The following SGCZ variants were observed in gnomAD, a reference collection of about 807,000 sequenced individuals.
The protein encoded by SGCZ is zeta-sarcoglycan.
SGCZ carries 40 observed loss-of-function variants against 41.3 expected under a neutral mutation model. The ratio of observed to expected loss-of-function variants is 0.97; its 90% confidence interval spans 0.75 to 1.26. The LOEUF (loss-of-function observed/expected upper bound fraction) is 1.26, where lower values mean the gene tolerates loss of function less well. SGCZ is among the 50% of genes most tolerant of loss of function. SGCZ has a pLI of 0.00. For synonymous variants in SGCZ, 206 were observed against 137.5 expected, an observed-to-expected ratio of 1.50 and a Z score of -3.49; for missense variants, 552 against 369.8, an observed-to-expected ratio of 1.49 and a Z score of -4.04.
chr8:14,762,320 T>C (rs938948196), intron 1 of SGCZ, among the ~76,000 whole-genome samples: 2 of 152,144 alleles, frequency 1.3e-5, no homozygotes, highest in East Asian at 1.9e-4. Flanking sequence ...CATTACAAAA[T>C]GAGACAGAAA....
At chr8:14,497,839 C>T (rs1392712135) in intron 2 of SGCZ, among the ~76,000 whole-genome samples, 4 of 152,210 alleles carry the variant, frequency 2.6e-5, no homozygotes, top group East Asian at 1.9e-4. Flanking sequence ...GGAATATACA[C>T]CCAACAATAA....
chr8:14,992,083 A>C (rs996486511), intron 1 of SGCZ, among the ~76,000 whole-genome samples: 2 of 141,620 alleles, frequency 1.4e-5, no homozygotes, highest in Non-Finnish European at 3.0e-5. Context: ...CCTCTCACCC[A>C]TCCTCCTCAT....
chr8:14,826,139 C>T (rs1374357798), intron 1 of SGCZ, among the ~76,000 whole-genome samples: 1 of 145,398 alleles, frequency 6.9e-6, no homozygotes, highest in Admixed American at 7.0e-5. Context: ...TGTGTCCATG[C>T]CTTCTCATTG....
intron 1 of SGCZ, among the ~76,000 whole-genome samples, chr8:14,907,395 C>T (rs770796799): frequency 3.3e-5 from 5 of 151,962 alleles, no homozygotes; most frequent in Non-Finnish European, 5.9e-5. Context: ...ACTATCTTGC[C>T]GAGGTTAGTC....
At chr8:14,514,343 C>T (rs1219145370) in intron 2 of SGCZ, among the ~76,000 whole-genome samples, 2 of 152,002 alleles carry the variant, frequency 1.3e-5, no homozygotes, top group Non-Finnish European at 1.5e-5. Context: ...GTTTCTGCTA[C>T]TTACTACTTG....
chr8:14,826,508 C>A (rs1164086751), intron 1 of SGCZ, among the ~76,000 whole-genome samples: 1 of 152,140 alleles, frequency 6.6e-6, no homozygotes, highest in Non-Finnish European at 1.5e-5. Context: ...GGAATCGCCA[C>A]ACTGACTTCC....
chr8:15,003,601 C>A (rs1802502241), intron 1 of SGCZ, among the ~76,000 whole-genome samples: 1 of 152,132 alleles, frequency 6.6e-6, no homozygotes, highest in Admixed American at 6.5e-5. Context: ...ACTATTAATA[C>A]ACAAATAGCA....
intron 1 of SGCZ, among the ~76,000 whole-genome samples, chr8:15,115,213 C>G (rs1454198889): frequency 6.6e-6 from 1 of 152,168 alleles, no homozygotes; most frequent in Non-Finnish European, 1.5e-5. Flanking sequence ...TTACACATGC[C>G]TTCCGAGCTA....
At chr8:14,730,545 G>T (rs1287629361) in intron 1 of SGCZ, among the ~76,000 whole-genome samples, 1 of 148,692 alleles carries the variant, frequency 6.7e-6, no homozygotes, top group Non-Finnish European at 1.5e-5. Flanking sequence ...AAGGGAATCA[G>T]AAACAACATA....
At chr8:14,122,092 A>G (rs138984135) in intron 5 of SGCZ, among the ~76,000 whole-genome samples, 3,057 of 152,262 alleles carry the variant, frequency 0.02, 44 homozygotes, top group Middle Eastern at 0.085. Context: ...TCCTGCTAAC[A>G]TGGTGAAACC....
intron 7 of SGCZ, among the ~76,000 whole-genome samples, chr8:14,101,458 TAAC>T: frequency 6.6e-6 from 1 of 152,328 alleles, no homozygotes; most frequent in East Asian, 1.9e-4. Flanking sequence ...ATTCTGCAGA[TAAC>T]AATAATCATG....
At chr8:14,504,372 C>T (rs1439041829) in intron 2 of SGCZ, among the ~76,000 whole-genome samples, 2 of 152,122 alleles carry the variant, frequency 1.3e-5, no homozygotes, top group Non-Finnish European at 2.9e-5. Flanking sequence ...TGCTCCAAAT[C>T]GTGATTAAGG....
At chr8:14,408,691 C>A (rs1441600336) in intron 2 of SGCZ, among the ~76,000 whole-genome samples, 1 of 152,138 alleles carries the variant, frequency 6.6e-6, no homozygotes. Flanking sequence ...CCACTTTCCC[C>A]TCATCTAGTC....
At chr8:14,253,962 T>C (rs1201832373) in intron 3 of SGCZ, among the ~76,000 whole-genome samples, 4 of 151,870 alleles carry the variant, frequency 2.6e-5, no homozygotes, top group Non-Finnish European at 5.9e-5. Flanking sequence ...CATTTAAAAA[T>C]AATGCAATCT....
chr8:14,440,256 G>T (rs1349584461), intron 2 of SGCZ, among the ~76,000 whole-genome samples: 1 of 151,946 alleles, frequency 6.6e-6, no homozygotes, highest in African/African-American at 2.4e-5. Flanking sequence ...AGCTCTATTT[G>T]ACTTGGGAAA....
chr8:14,858,790 A>G (rs1468713071), intron 1 of SGCZ, among the ~76,000 whole-genome samples: 6 of 152,160 alleles, frequency 3.9e-5, no homozygotes, highest in Non-Finnish European at 7.4e-5. Flanking sequence ...ATTTCATTAT[A>G]TGATATCAAA....
intron 4 of SGCZ, among the ~76,000 whole-genome samples, chr8:14,190,861 C>G (rs948138830): frequency 1.6e-4 from 25 of 152,136 alleles, no homozygotes; most frequent in African/African-American, 6.0e-4. Flanking sequence ...CTCGGACTCC[C>G]AAAGTGCTGG....
At chr8:14,650,083 G>T (rs964496725) in intron 1 of SGCZ, among the ~76,000 whole-genome samples, 14 of 152,032 alleles carry the variant, frequency 9.2e-5, no homozygotes, top group Admixed American at 7.9e-4. Context: ...ATTCTCAGGG[G>T]TTTGACTGAG....
rs868349736 is a variant in SGCZ at position 14,253,768 on chromosome 8, T to C, written c.337-16089A>G. Among the ~76,000 whole-genome samples, 10 of 152,254 alleles carry C rather than the reference T, an allele frequency of 6.6e-5. No individual in the cohort carries two copies. In the East Asian group the frequency reaches 7.7e-4, roughly 12 times the overall value. The stretch of plus-strand genomic sequence containing the variant: ...TGCTTTACAGAACGAGCTATCTATA[T>C]TAAAACAGTAGAAACAACTAGAAAT... On this transcript the variant is annotated intron_variant, in intron 3 of 7. Coordinates refer to ENST00000382080, the MANE Select transcript of SGCZ (RefSeq NM_139167.4).
Sources: gnomAD v4.1 joint callset for allele counts (sites outside exome capture counted in the v4.1 genomes callset) on GRCh38, gnomAD v4.1.1 for gene constraint, MANE v1.5 for transcripts, NCBI Gene and HGNC (gene_info 2026-07-23, HGNC 2026-07-21) for gene names.